Variants in RPH3A observed in about 807,000 individuals in gnomAD.
RPH3A encodes the protein rabphilin 3A.
Under a neutral mutation model 102.2 loss-of-function variants are expected in RPH3A, and 48 were observed. The observed-to-expected ratio is 0.47, with a 90% CI of 0.37 to 0.60. The LOEUF is 0.60. Among genes scored for constraint, RPH3A ranks in the 20% least tolerant of loss-of-function variants. The probability of loss-of-function intolerance (pLI) is 0.00; values close to 1 mark genes in which losing one functional copy is unlikely to be tolerated. For synonymous variants in RPH3A, 310 were observed against 324.3 expected (o/e 0.96, Z 0.47); for missense variants, 781 against 910.1 (o/e 0.86, Z 1.83).
At chr12:112,672,217 C>G (rs2040137498) in intron 1 of RPH3A, among the ~76,000 whole-genome samples, 1 of 152,022 alleles carries the variant, frequency 6.6e-6, no homozygotes, top group Non-Finnish European at 1.5e-5. Context: ...ACATTTCTAC[C>G]TTGCAATCTG....
chr12:112,670,908 T>A (rs2040124146), intron 1 of RPH3A, among the ~76,000 whole-genome samples: 1 of 152,160 alleles, frequency 6.6e-6, no homozygotes, highest in Admixed American at 6.5e-5. Context: ...AAACCTCACC[T>A]GTTGATGTGA....
Position 112,678,319 on chromosome 12 carries a change from A to AGAGAGAGAGAGAGAG in RPH3A, c.-140+103000_-140+103001insGAGAGAGAGAGAGAG, listed in dbSNP as rs1225677838. Among the ~76,000 whole-genome samples, 120 of 68,600 alleles carry AGAGAGAGAGAGAGAG rather than the reference A, an allele frequency of 1.7e-3. 8 individuals carry two copies. The highest frequency in any genetic ancestry group is 7.8e-3 in the Admixed American group (62 of 7,908). 45.0% of individuals were successfully genotyped at this position (68,600 alleles called of 152,430 possible). On this transcript the variant is annotated intron_variant, in intron 1 of 21. Coordinates refer to the RPH3A transcript ENST00000543106. Reference sequence around the variant, plus strand: ...AAAGAAAGAAAGAGAGAGAGAGAGAAAGAAAGAAAGAAGGAAGGAAGGAAG... The same window carrying AGAGAGAGAGAGAGAG: ...AAAGAAAGAAAGAGAGAGAGAGAGAAGAGAGAGAGAGAGAGAGAAAGAAAGAAGGAAGGAAGGAAG...
intron 1 of RPH3A, among the ~76,000 whole-genome samples, chr12:112,761,716 G>T (rs1464845931): frequency 6.6e-6 from 1 of 152,224 alleles, no homozygotes; most frequent in Non-Finnish European, 1.5e-5. Context: ...ACCCGCTGAT[G>T]GACAAAAGTG....
intron 1 of RPH3A, among the ~76,000 whole-genome samples, chr12:112,702,181 A>G (rs1438467755): frequency 1.3e-5 from 2 of 152,248 alleles, no homozygotes; most frequent in Non-Finnish European, 2.9e-5. Context: ...CACTTTATAG[A>G]CATAAACTAC....
chr12:112,804,665 G>T (rs1321358986), intron 2 of RPH3A, among the ~76,000 whole-genome samples: 1 of 152,184 alleles, frequency 6.6e-6, no homozygotes, highest in Admixed American at 6.5e-5. Flanking sequence ...CTTCCTAGCT[G>T]TGCAGACTTG....
chr12:112,679,915 C>T (rs1169459281), intron 1 of RPH3A, among the ~76,000 whole-genome samples: 2 of 152,228 alleles, frequency 1.3e-5, no homozygotes, highest in Non-Finnish European at 2.9e-5. Context: ...GAGGGTTTGA[C>T]ACAGACTGAC....
intron 11 of RPH3A, 85 bp downstream of exon 11, chr12:112,875,255 G>T: frequency 9.2e-7 from 1 of 1,081,298 alleles, no homozygotes; most frequent in Non-Finnish European, 1.3e-6. Context: ...TGCAGAGCAT[G>T]CTGGGCTTTC....
chr12:112,607,967 C>T (rs989199420), intron 1 of RPH3A, among the ~76,000 whole-genome samples: 6 of 152,182 alleles, frequency 3.9e-5, no homozygotes, highest in Admixed American at 1.3e-4. Flanking sequence ...ACTCCTTAGC[C>T]TAGTACCTGG....
At chr12:112,664,706 C>CTGTA (rs2040072565) in intron 1 of RPH3A, among the ~76,000 whole-genome samples, 1 of 152,004 alleles carries the variant, frequency 6.6e-6, no homozygotes, top group Non-Finnish European at 1.5e-5. Flanking sequence ...AGAGGTCATC[C>CTGTA]GCTGGTAACT....
At chr12:112,672,020 A>C (rs1465082546) in intron 1 of RPH3A, among the ~76,000 whole-genome samples, 2 of 150,714 alleles carry the variant, frequency 1.3e-5, no homozygotes, top group Non-Finnish European at 3.0e-5. Flanking sequence ...AAATTTAGTG[A>C]CTTAAATATA....
rs536168052 is a variant in RPH3A at position 112,739,986 on chromosome 12, G to A, written c.-139-52157G>A. On this transcript the variant is annotated intron_variant, in intron 1 of 21. Coordinates refer to the RPH3A transcript ENST00000543106. ...TAGTAACCACTTTCTGCTGTTGCTA[G>A]TCTCTGGCTGGCCTCACCCTCCCTT... Among the ~76,000 whole-genome samples, 4 of 152,184 alleles carry A rather than the reference G, an allele frequency of 2.6e-5. No homozygotes were observed. The East Asian group carries it at 7.7e-4, about 29-fold the overall frequency.
Position 112,634,373 on chromosome 12 carries a change from A to AAAAC in RPH3A, c.-140+59074_-140+59077dup, listed in dbSNP as rs1204201693. 2.1e-4 allele frequency among the ~76,000 whole-genome samples: 2 copies of AAAAC among 9,516 alleles called. 1 individual carries two copies. Among genetic ancestry groups the AAAAC allele is most frequent in the Non-Finnish European group, 3.5e-4 (2 of 5,658 alleles). 6.2% of individuals were successfully genotyped at this position (9,516 alleles called of 152,430 possible). On this transcript the variant is annotated intron_variant, in intron 1 of 21. Transcript: ENST00000543106. Reference sequence around the variant, plus strand: ...AAAAACAAAAAAAAAACAAAACAAAAAAACAAACAAACAAACAAACAAAAT... The same window carrying AAAAC: ...AAAAACAAAAAAAAAACAAAACAAAAAAACAAACAAACAAACAAACAAACAAAAT...
rs371483210 is a variant in RPH3A, at chr12:112,896,623, G to A, written c.1955-27G>A. 211 of 1,613,692 alleles carry A rather than the reference G, an allele frequency of 1.3e-4. 3 individuals are homozygous for A. In the South Asian group the frequency reaches 1.8e-3, roughly 14 times the overall value. On this transcript the variant is annotated intron_variant, in intron 21 of 21. Transcript: ENST00000389385. ...AGAACGACCTCTATTCTGACCACCTGCTCCTATCTTCCCATTTATCCTCCA... is the reference window on the plus strand; with the variant it reads ...AGAACGACCTCTATTCTGACCACCTACTCCTATCTTCCCATTTATCCTCCA...
At chr12:112,710,789 C>T (rs1327584390) in intron 1 of RPH3A, among the ~76,000 whole-genome samples, 2 of 152,208 alleles carry the variant, frequency 1.3e-5, no homozygotes, top group Non-Finnish European at 2.9e-5. Flanking sequence ...ACTTAAAAAT[C>T]TTTCCCTTCC....
intron 1 of RPH3A, among the ~76,000 whole-genome samples, chr12:112,603,708 A>G (rs1489631984): frequency 6.6e-6 from 1 of 152,206 alleles, no homozygotes; most frequent in African/African-American, 2.4e-5. Flanking sequence ...TTTTAGTAAC[A>G]TTATGAATCT....
chr12:112,830,584 G>A (rs1462930893), intron 3 of RPH3A, among the ~76,000 whole-genome samples: 1 of 151,952 alleles, frequency 6.6e-6, no homozygotes, highest in Non-Finnish European at 1.5e-5. Context: ...TTTTTATTCT[G>A]CTTGTATTAT....
intron 2 of RPH3A, among the ~76,000 whole-genome samples, chr12:112,804,598 A>G (rs901279539): frequency 6.6e-5 from 10 of 152,204 alleles, no homozygotes; most frequent in Admixed American, 5.9e-4. Flanking sequence ...AGAGCACAAC[A>G]GTTAGGACTT....
chr12:112,700,260 G>T (rs2040383884), intron 1 of RPH3A, among the ~76,000 whole-genome samples: 1 of 151,938 alleles, frequency 6.6e-6, no homozygotes, highest in Non-Finnish European at 1.5e-5. Context: ...GGAGAGACAG[G>T]GTTTCATCAT....
intron 1 of RPH3A, among the ~76,000 whole-genome samples, chr12:112,698,675 A>G (rs1467618102): frequency 3.9e-5 from 6 of 152,252 alleles, no homozygotes; most frequent in African/African-American, 1.4e-4. Context: ...AGTGACATAT[A>G]TTCCCACTGA....
Sources: gnomAD v4.1 joint callset for allele counts (sites outside exome capture counted in the v4.1 genomes callset) on GRCh38, gnomAD v4.1.1 for gene constraint, MANE v1.5 for transcripts, NCBI Gene and HGNC (gene_info 2026-07-23, HGNC 2026-07-21) for gene names.